The following EIF4G3 variants were observed in gnomAD, a reference collection of about 807,000 sequenced individuals.
EIF4G3 encodes eukaryotic translation initiation factor 4 gamma 3.
In EIF4G3, 34 loss-of-function variants were observed where a neutral mutation model predicts 186.4. The ratio of observed to expected loss-of-function variants is 0.18; its 90% confidence interval spans 0.14 to 0.24. The LOEUF is 0.24. EIF4G3 is among the 10% of genes least tolerant of loss of function. EIF4G3 has a pLI of 1.00. For missense variants in EIF4G3, 1,536 were observed against 1,948.5 expected (o/e 0.79, Z 3.99); for synonymous variants, 673 against 679.5 (o/e 0.99, Z 0.15).
chr1:20,882,760 C>T (rs527399054), intron 19 of EIF4G3, among the ~76,000 whole-genome samples: 1 of 151,978 alleles, frequency 6.6e-6, no homozygotes, highest in South Asian at 2.1e-4. Flanking sequence ...TGTGCCACTG[C>T]ACTCCAGCCT....
intron 12 of EIF4G3, among the ~76,000 whole-genome samples, chr1:20,969,112 AAAAGGT>A (rs2075316635): frequency 6.6e-6 from 1 of 152,222 alleles, no homozygotes; most frequent in Non-Finnish European, 1.5e-5. Context: ...TTGCGTTAAC[AAAAGGT>A]GCAGCACTTA....
At chr1:20,993,919 T>C (rs1161711284) in intron 7 of EIF4G3, among the ~76,000 whole-genome samples, 1 of 152,198 alleles carries the variant, frequency 6.6e-6, no homozygotes, top group Non-Finnish European at 1.5e-5. Flanking sequence ...TGTTCTGTAT[T>C]ATGAGCAACT....
chr1:20,911,892 T>TATATAA (rs960610960), intron 14 of EIF4G3, among the ~76,000 whole-genome samples: 1 of 151,942 alleles, frequency 6.6e-6, no homozygotes, highest in Non-Finnish European at 1.5e-5. Context: ...CTCTACCCCT[T>TATATAA]ATATAAATAT....
At chr1:21,149,494 T>G (rs985245131) in intron 2 of EIF4G3, among the ~76,000 whole-genome samples, 1 of 152,200 alleles carries the variant, frequency 6.6e-6, no homozygotes, top group African/African-American at 2.4e-5. Flanking sequence ...AGATATACGG[T>G]ATTTTACTGG....
intron 2 of EIF4G3, among the ~76,000 whole-genome samples, chr1:21,093,037 T>C (rs1481697701): frequency 6.6e-6 from 1 of 152,150 alleles, no homozygotes; most frequent in Non-Finnish European, 1.5e-5. Context: ...GACACAGGCA[T>C]GGGCAAGGAC....
chr1:20,827,712 G>T lies in EIF4G3; in HGVS notation c.4188-14C>A, dbSNP rs754941442. 6.4e-7 allele frequency: 1 copy of T among 1,565,772 alleles called. No homozygotes were observed. The highest frequency in any genetic ancestry group is 1.4e-5 in the African/African-American group (1 of 73,868). On this transcript the variant is annotated splice_polypyrimidine_tract_variant and intron_variant, in intron 31 of 36. Coordinates refer to ENST00000602326, the MANE Select transcript of EIF4G3 (RefSeq NM_001391906.1). Reference sequence around the variant, plus strand: ...TTGCTAAATTCTCTGTAAAAGATAGGAGCAGTGATTAAGTATCTCTAAAGA... The same window carrying T: ...TTGCTAAATTCTCTGTAAAAGATAGTAGCAGTGATTAAGTATCTCTAAAGA...
intron 4 of EIF4G3, among the ~76,000 whole-genome samples, chr1:21,038,564 CATTT>C (rs2093375448): frequency 6.6e-6 from 1 of 152,152 alleles, no homozygotes; most frequent in Admixed American, 6.5e-5. Context: ...AGTTCTCATT[CATTT>C]GTCACACGAG....
chr1:21,004,382 C>T (rs1471833792), intron 4 of EIF4G3, among the ~76,000 whole-genome samples: 2 of 151,970 alleles, frequency 1.3e-5, no homozygotes, highest in South Asian at 4.2e-4. Context: ...AAAAAAATTG[C>T]TTGTAACGTA....
intron 4 of EIF4G3, chr1:21,003,611 A>G (rs889078918): frequency 8.5e-5 from 27 of 316,866 alleles, no homozygotes; most frequent in African/African-American, 5.8e-4. Flanking sequence ...CCATGATGCC[A>G]GCTAAGGTTG....
chr1:20,951,559 A>G (rs1466552056), intron 12 of EIF4G3, among the ~76,000 whole-genome samples: 7 of 152,196 alleles, frequency 4.6e-5, no homozygotes, highest in Non-Finnish European at 4.4e-5. Flanking sequence ...AGCTAAAACT[A>G]AAAATACCGA....
intron 19 of EIF4G3, among the ~76,000 whole-genome samples, chr1:20,880,202 G>A (rs891110658): frequency 2.0e-5 from 3 of 152,094 alleles, no homozygotes; most frequent in Non-Finnish European, 4.4e-5. Context: ...ATGAAATAAA[G>A]CAAAGAAAAA....
chr1:21,166,181 C>T (rs890055894), intron 2 of EIF4G3, among the ~76,000 whole-genome samples: 15 of 150,548 alleles, frequency 1.0e-4, no homozygotes, highest in Middle Eastern at 6.8e-3. Context: ...AATCCCGGCA[C>T]TTTGGTAGGC....
intron 4 of EIF4G3, among the ~76,000 whole-genome samples, chr1:21,034,413 C>CA (rs2093008724): frequency 6.6e-6 from 1 of 152,114 alleles, no homozygotes; most frequent in African/African-American, 2.4e-5. Flanking sequence ...TCTGTTACTT[C>CA]AAAAACAGAT....
At chr1:21,001,541 TA>T (rs139742957) in intron 5 of EIF4G3, among the ~76,000 whole-genome samples, 4,412 of 152,202 alleles carry the variant, frequency 0.029, 207 homozygotes, top group African/African-American at 0.098. Flanking sequence ...CAGGCCCAAG[TA>T]AGTCAAGTGT....
chr1:20,988,035 C>A (rs1488675993), intron 7 of EIF4G3, among the ~76,000 whole-genome samples: 2 of 152,178 alleles, frequency 1.3e-5, no homozygotes, highest in Non-Finnish European at 2.9e-5. Context: ...GAAGATCAAA[C>A]CAGCCACAAC....
At chr1:20,920,863 TG>T (rs1366611208) in intron 14 of EIF4G3, among the ~76,000 whole-genome samples, 2 of 152,180 alleles carry the variant, frequency 1.3e-5, no homozygotes, top group Non-Finnish European at 2.9e-5. Flanking sequence ...TGATAGTAAA[TG>T]CAGGAACCAT....
intron 4 of EIF4G3, among the ~76,000 whole-genome samples, chr1:21,033,727 T>C (rs550455972): frequency 5.9e-5 from 9 of 152,334 alleles, no homozygotes; most frequent in African/African-American, 1.9e-4. Context: ...CCACAGTTTA[T>C]AGTTTGAAGG....
intron 14 of EIF4G3, among the ~76,000 whole-genome samples, chr1:20,920,162 TC>T (rs1407017762): frequency 1.3e-5 from 2 of 152,212 alleles, no homozygotes; most frequent in Non-Finnish European, 2.9e-5. Flanking sequence ...CGCCTCGACC[TC>T]CCAAAGTGCT....
chr1:21,060,676 G>GT (rs2094846313), intron 3 of EIF4G3, among the ~76,000 whole-genome samples: 1 of 151,354 alleles, frequency 6.6e-6, no homozygotes, highest in Non-Finnish European at 1.5e-5. Flanking sequence ...ACTTGGGAGC[G>GT]TAAGGCAAGA....
Sources: gnomAD v4.1 joint callset for allele counts (sites outside exome capture counted in the v4.1 genomes callset) on GRCh38, gnomAD v4.1.1 for gene constraint, MANE v1.5 for transcripts, NCBI Gene and HGNC (gene_info 2026-07-23, HGNC 2026-07-21) for gene names.